ITPKB: variants seen among roughly 807,000 people sequenced by gnomAD.
ITPKB encodes the protein inositol-trisphosphate 3-kinase B.
A neutral mutation model predicts 69.4 loss-of-function variants in ITPKB; 13 were observed. The observed-to-expected ratio is 0.19, with a 90% confidence interval of 0.12 to 0.30. The LOEUF is 0.30. Among genes scored for constraint, ITPKB ranks in the 10% least tolerant of loss-of-function variants. ITPKB has a pLI of 1.00. For synonymous variants in ITPKB, 584 were observed against 513.7 expected, an observed-to-expected ratio of 1.14 and a Z score of -1.85; for missense variants, 1,240 against 1,250.5, an observed-to-expected ratio of 0.99 and a Z score of 0.13.
intron 2 of ITPKB, among the ~76,000 whole-genome samples, chr1:226,700,768 G>A (rs1193611612): frequency 6.6e-6 from 1 of 152,112 alleles, no homozygotes; most frequent in Non-Finnish European, 1.5e-5. Flanking sequence ...CACCTTCTGA[G>A]CCCCTCTACC....
intron 2 of ITPKB, among the ~76,000 whole-genome samples, chr1:226,650,070 G>C (rs1558302989): frequency 6.6e-6 from 1 of 152,148 alleles, no homozygotes; most frequent in Non-Finnish European, 1.5e-5. Context: ...GATGAGGGTG[G>C]TACTGCCTGA....
At chr1:226,660,578 AG>A (rs1335301092) in intron 2 of ITPKB, among the ~76,000 whole-genome samples, 1 of 152,168 alleles carries the variant, frequency 6.6e-6, no homozygotes, top group Non-Finnish European at 1.5e-5. Context: ...AAAATAATGA[AG>A]GGCTAGAGGA....
chr1:226,652,121 C>T (rs975926797), intron 2 of ITPKB, among the ~76,000 whole-genome samples: 1 of 152,160 alleles, frequency 6.6e-6, no homozygotes, highest in African/African-American at 2.4e-5. Flanking sequence ...AATGTCACTG[C>T]CAAGCAGTAA....
At chr1:226,689,569 TTGTGTGTGTGTGTG>T (rs10589027) in intron 2 of ITPKB, among the ~76,000 whole-genome samples, 53 of 138,568 alleles carry the variant, frequency 3.8e-4, no homozygotes, top group East Asian at 1.9e-3. Context: ...AAGGTTTTAT[TTGTGTGTGTGTGTG>T]TGTGTGTGTG....
chr1:226,719,240 C>T (rs1162068045), intron 2 of ITPKB, among the ~76,000 whole-genome samples: 1 of 152,226 alleles, frequency 6.6e-6, no homozygotes, highest in Non-Finnish European at 1.5e-5. Flanking sequence ...GATCACACCA[C>T]TGCCCTCCAG....
At chr1:226,646,274 C>T (rs558531832) in intron 4 of ITPKB, among the ~76,000 whole-genome samples, 2 of 152,172 alleles carry the variant, frequency 1.3e-5, no homozygotes, top group African/African-American at 2.4e-5. Flanking sequence ...CCATGGGGGC[C>T]GACAGCCTTA....
At chr1:226,723,970 T>C (rs1236774338) in intron 2 of ITPKB, among the ~76,000 whole-genome samples, 1 of 152,166 alleles carries the variant, frequency 6.6e-6, no homozygotes, top group Non-Finnish European at 1.5e-5. Context: ...TGGGACAACG[T>C]GACTCGAGCC....
Position 226,639,791 on chromosome 1 carries a change from G to A in ITPKB, c.2452-133C>T. On this transcript the variant is annotated intron_variant, in intron 5 of 7. Transcript: ENST00000429204. ...GGGCAGGGCCAGTGGAGGCACCCAG[G>A]TGTCCACGTATGGCGCATGGAGGTG... 4.4e-6 allele frequency: 3 copies of A among 683,242 alleles called. No homozygotes were observed. In the South Asian group the frequency reaches 4.8e-5, roughly 11 times the overall value. The allele number at this position is 683,242 out of a possible 1,614,324, so 42.3% of individuals were successfully genotyped here.
Position 226,736,261 on chromosome 1 carries a change from C to G in ITPKB, c.1198G>C (p.Val400Leu), listed in dbSNP as rs374593738. ...GAATCAGAGGACTCTGCGCTTTGCA[C>G]GCTCACAGTCGTCTCCTCTGGCCTT... is the stretch of plus-strand genomic sequence containing the variant. ...GKRPEETTVS[V>L]QSAESSDSLS... is the part of the protein sequence containing the mutation. The change falls in exon 2 of 8, where the codon GTG becomes CTG. Residue 400 changes from valine to leucine, a missense_variant. Transcript: ENST00000429204. The G allele has an allele frequency of 1.9e-6, 3 of 1,571,606 alleles. No individual in the cohort carries two copies. In the South Asian group the frequency reaches 3.6e-5, roughly 19 times the overall value.
At chr1:226,638,217 G>A (rs923781504) in intron 6 of ITPKB, among the ~76,000 whole-genome samples, 3 of 152,206 alleles carry the variant, frequency 2.0e-5, no homozygotes, top group Admixed American at 2.0e-4. Flanking sequence ...CCCAGGCATA[G>A]GAGGCATGTT....
intron 2 of ITPKB, among the ~76,000 whole-genome samples, chr1:226,730,991 C>T (rs1410583232): frequency 6.6e-6 from 1 of 152,226 alleles, no homozygotes; most frequent in South Asian, 2.1e-4. Context: ...GAGTCTTGAG[C>T]TGTATGTTTT....
Position 226,736,978 on chromosome 1 carries a change from T to C in ITPKB, c.481A>G (p.Ile161Val), listed in dbSNP as rs745835383. Residue 161 changes from isoleucine to valine, a missense_variant, in exon 2 of 8, where the codon ATT becomes GTT. Physicochemically the swap from Ile to Val is conservative, Grantham distance 29. Coordinates refer to ENST00000429204, the MANE Select transcript of ITPKB (RefSeq NM_002221.4). Reference protein sequence around the residue: ...EAHIQAQSSAIQAPRSPRLGR... With the variant: ...EAHIQAQSSAVQAPRSPRLGR... ...AAACGCGGGCTGCGGGGCGCTTGAA[T>C]GGCGGAGCTCTGTGCCTGGATGTGC... The C allele has an allele frequency of 2.5e-6, 4 of 1,612,502 alleles. No homozygotes were observed. Among genetic ancestry groups the C allele is most frequent in the African/African-American group, 1.3e-5 (1 of 75,042 alleles).
chr1:226,687,201 A>C (rs535967547), intron 2 of ITPKB, among the ~76,000 whole-genome samples: 1 of 152,352 alleles, frequency 6.6e-6, no homozygotes, highest in East Asian at 1.9e-4. Context: ...GAACAAAATA[A>C]AATCTGGTCA....
At chr1:226,680,505 C>T (rs1006015909) in intron 2 of ITPKB, among the ~76,000 whole-genome samples, 2 of 152,082 alleles carry the variant, frequency 1.3e-5, no homozygotes, top group African/African-American at 4.8e-5. Context: ...GCTGGTGAAC[C>T]GATGTGAAGA....
rs1657352695 is a variant in ITPKB, at chr1:226,724,671, A to G, written c.1932+10856T>C. Among the ~76,000 whole-genome samples the G allele has an allele frequency of 3.3e-5, 5 of 152,282 alleles. No homozygotes were observed. The South Asian group carries it at 1.0e-3, about 32-fold the overall frequency. On this transcript the variant is annotated intron_variant, in intron 2 of 7. Transcript: ENST00000429204. Reference sequence around the variant, plus strand: ...CAGAGTTTAGACTCAACCCAGGACTACACCTCAGGGTTCTTCCCCTCCCCC... The same window carrying G: ...CAGAGTTTAGACTCAACCCAGGACTGCACCTCAGGGTTCTTCCCCTCCCCC...
At chr1:226,716,471 G>C (rs973222128) in intron 2 of ITPKB, among the ~76,000 whole-genome samples, 14 of 151,946 alleles carry the variant, frequency 9.2e-5, no homozygotes, top group African/African-American at 3.4e-4. Context: ...TTGTTACATA[G>C]GTAAACAAGT....
In ITPKB at chr1:226,711,358, T is replaced by C. The variant is rs1483864693; in HGVS notation, c.1932+24169A>G. ...AAGGTAAATAATTCCTTGCAGTGGT[T>C]CCTAACCAGATGCAGTACCTGCCTC... On this transcript the variant is annotated intron_variant, in intron 2 of 7. Transcript: ENST00000429204. 2.0e-5 allele frequency among the ~76,000 whole-genome samples: 3 copies of C among 151,236 alleles called. No homozygotes were observed. In the South Asian group the frequency reaches 6.3e-4, roughly 32 times the overall value.
chr1:226,737,234 C>A lies in ITPKB; in HGVS notation c.225G>T (p.Trp75Cys). The A allele has an allele frequency of 6.4e-7, 1 of 1,561,700 alleles. No homozygotes were observed. The highest frequency in any genetic ancestry group is 1.9e-5 in the Admixed American group (1 of 53,380). The change falls in exon 2 of 8, where the codon TGG (tryptophan) becomes TGT (cysteine). Residue 75 changes from tryptophan to cysteine, a missense_variant. By Grantham distance (215) the Trp-to-Cys change is radical. This residue lies in a region of ITPKB where 992 missense variants were observed against 853.8 expected (regional missense o/e 1.16). Transcript: ENST00000429204. Reference sequence around the variant, plus strand: ...TATTCAGCCTGCGCCGGCCGCTCCGCCAGCCCCCGGGGCTCCGGGGCTCCT... The same window carrying A: ...TATTCAGCCTGCGCCGGCCGCTCCGACAGCCCCCGGGGCTCCGGGGCTCCT... ...SPEEPRSPGG[W>C]RSGRRRLNSS...
intron 3 of ITPKB, among the ~76,000 whole-genome samples, chr1:226,647,739 G>A (rs1041957373): frequency 2.0e-5 from 3 of 152,246 alleles, no homozygotes; most frequent in Non-Finnish European, 2.9e-5. Context: ...TCTCGGCAAC[G>A]AAGGTGTCTC....
Sources: gnomAD v4.1 joint callset for allele counts (sites outside exome capture counted in the v4.1 genomes callset) on GRCh38, gnomAD v4.1.1 for gene constraint, gnomAD v4.1.1 regional missense constraint, MANE v1.5 for transcripts, NCBI Gene and HGNC (gene_info 2026-07-23, HGNC 2026-07-21) for gene names.